ADAM20: variants seen among roughly 807,000 people sequenced by gnomAD.
The protein encoded by ADAM20 is disintegrin and metalloproteinase domain-containing protein 20.
For synonymous variants in ADAM20, 305 were observed against 310.2 expected, an observed-to-expected ratio of 0.98 and a Z score of 0.18; for missense variants, 871 against 883.2, an observed-to-expected ratio of 0.99 and a Z score of 0.18.
intron 1 of ADAM20, among the ~76,000 whole-genome samples, chr14:70,533,017 C>T (rs535659388): frequency 2.6e-5 from 4 of 152,208 alleles, no homozygotes; most frequent in South Asian, 2.1e-4. Context: ...ATGTTCTGTA[C>T]GCTCCAAATT....
chr14:70,557,498 TAC>T, the ADAM20 span: 4 of 152,250 alleles, frequency 2.6e-5, no homozygotes, highest in African/African-American at 9.6e-5. Context: ...CTCATTATCT[TAC>T]ACTTTTATCA....
upstream of ADAM20, among the ~76,000 whole-genome samples, chr14:70,538,056 T>C (rs906236375): frequency 1.3e-5 from 2 of 152,090 alleles, no homozygotes; most frequent in Non-Finnish European, 2.9e-5. Flanking sequence ...CGAAATCCCT[T>C]TTGACCCTGC....
chr14:70,536,809 C>T (rs1164730685), upstream of ADAM20, among the ~76,000 whole-genome samples: 1 of 151,874 alleles, frequency 6.6e-6, no homozygotes, highest in East Asian at 1.9e-4. Flanking sequence ...CCCAAGATAA[C>T]CTCCCCTCCA....
chr14:70,531,933 T>C (rs1435741230), intron 1 of ADAM20, among the ~76,000 whole-genome samples: 2 of 152,026 alleles, frequency 1.3e-5, no homozygotes, highest in African/African-American at 2.4e-5. Context: ...TCCAAAGCAA[T>C]CTACAGATTC....
the ADAM20 span, among the ~76,000 whole-genome samples, chr14:70,555,793 C>T: frequency 6.6e-6 from 1 of 152,192 alleles, no homozygotes; most frequent in Non-Finnish European, 1.5e-5. Flanking sequence ...CGTCCCTCTG[C>T]ACCCTCTTAC....
At chr14:70,532,377 AC>A (rs1364142696) in intron 1 of ADAM20, among the ~76,000 whole-genome samples, 1 of 152,152 alleles carries the variant, frequency 6.6e-6, no homozygotes, top group Non-Finnish European at 1.5e-5. Flanking sequence ...CTTTAAAAAA[AC>A]ACACACGAGA....
the ADAM20 span, among the ~76,000 whole-genome samples, chr14:70,553,951 GA>G: frequency 6.6e-6 from 1 of 152,144 alleles, no homozygotes; most frequent in African/African-American, 2.4e-5. Context: ...TCAGACAAGA[GA>G]AAGAAGTAAA....
chr14:70,527,818 T>C (rs1820992576), intron 1 of ADAM20, among the ~76,000 whole-genome samples: 1 of 152,154 alleles, frequency 6.6e-6, no homozygotes, highest in Non-Finnish European at 1.5e-5. Flanking sequence ...AAGTGTCAGG[T>C]CAGCCTCTTC....
At position 70,534,062 on chromosome 14, in the gene ADAM20, G is replaced by A. The variant is rs116299949; in HGVS notation, c.-177+735C>T. ...TGGGCCACCGTACTCTAGTCTGGGC[G>A]AGAGAGCAAGACCCTGTCTCAAAAA... is the stretch of plus-strand genomic sequence containing the variant. On this transcript the variant is annotated intron_variant, in intron 1 of 1. Transcript: ENST00000256389. 1.0e-2 allele frequency among the ~76,000 whole-genome samples: 1,238 copies of A among 124,070 alleles called. 23 individuals carry two copies. The highest frequency in any genetic ancestry group is 0.035 in the African/African-American group (1,158 of 32,662). The allele number at this position is 124,070 out of a possible 152,430, so 81.4% of individuals were successfully genotyped here.
intron 1 of ADAM20, among the ~76,000 whole-genome samples, chr14:70,531,991 A>G (rs909682776): frequency 6.6e-6 from 1 of 152,186 alleles, no homozygotes; most frequent in Admixed American, 6.5e-5. Context: ...CAGAATTAGA[A>G]AAACAATTCA....
At chr14:70,533,764 T>A (rs8014596) in intron 1 of ADAM20, among the ~76,000 whole-genome samples, 8,751 of 143,000 alleles carry the variant, frequency 0.061, 294 homozygotes, top group Middle Eastern at 0.11. Context: ...ACTTAAAATT[T>A]AAAAAAAAAA....
upstream of ADAM20, among the ~76,000 whole-genome samples, chr14:70,536,552 A>G (rs1485483343): frequency 6.6e-6 from 1 of 151,672 alleles, no homozygotes; most frequent in Non-Finnish European, 1.5e-5. Flanking sequence ...AAAATTATAT[A>G]ACTACAAAGA....
chr14:70,542,866 G>A, the ADAM20 span, among the ~76,000 whole-genome samples: 2 of 152,064 alleles, frequency 1.3e-5, no homozygotes, highest in Middle Eastern at 3.4e-3. Context: ...TTGAACCCGG[G>A]AGGTGGAGGT....
Position 70,523,122 on chromosome 14 carries a change from T to C in ADAM20, c.1636A>G (p.Ile546Val), listed in dbSNP as rs1428972910. 1 of 1,614,056 alleles carries C rather than the reference T, an allele frequency of 6.2e-7. No homozygotes were observed. The highest frequency in any genetic ancestry group is 1.7e-5 in the Admixed American group (1 of 59,980). The change falls in exon 2 of 2, where the codon ATT (isoleucine) becomes GTT (valine). Residue 546 changes from isoleucine to valine, a missense_variant. Physicochemically the swap from Ile to Val is conservative, Grantham distance 29. Transcript: ENST00000256389. The part of the protein sequence containing the change: ...TQGNRFGHCG[I>V]VGTTYVKCWT... ...CATTTTACATATGTTGTGCCTACAATACCACAGTGACCGAAACGGTTTCCT... is the reference window on the plus strand; with the variant it reads ...CATTTTACATATGTTGTGCCTACAACACCACAGTGACCGAAACGGTTTCCT...
the ADAM20 span, among the ~76,000 whole-genome samples, chr14:70,573,702 T>C: frequency 6.6e-6 from 1 of 152,158 alleles, no homozygotes; most frequent in African/African-American, 2.4e-5. Context: ...AGATATTTCA[T>C]GAAAATGGTA....
At chr14:70,556,553 T>A in the ADAM20 span, 1 of 152,174 alleles carries the variant, frequency 6.6e-6, no homozygotes, top group Non-Finnish European at 1.5e-5. Flanking sequence ...TTACCACATA[T>A]GTTCGAACAC....
the ADAM20 span, among the ~76,000 whole-genome samples, chr14:70,570,054 A>G: frequency 6.6e-6 from 1 of 152,152 alleles, no homozygotes; most frequent in South Asian, 2.1e-4. Flanking sequence ...AAGCTCGGTC[A>G]TAAAGCAAGT....
intron 1 of ADAM20, among the ~76,000 whole-genome samples, chr14:70,533,208 T>C (rs1883751148): frequency 6.6e-6 from 1 of 152,190 alleles, no homozygotes. Context: ...CTCAAGGATC[T>C]AGAACCAGAT....
chr14:70,576,255 C>A, the ADAM20 span, among the ~76,000 whole-genome samples: 1 of 152,076 alleles, frequency 6.6e-6, no homozygotes, highest in Non-Finnish European at 1.5e-5. Flanking sequence ...AGACAACTAT[C>A]AATGCAACTG....
Sources: gnomAD v4.1 joint callset for allele counts (sites outside exome capture counted in the v4.1 genomes callset) on GRCh38, gnomAD v4.1.1 for gene constraint, MANE v1.5 for transcripts, NCBI Gene and HGNC (gene_info 2026-07-23, HGNC 2026-07-21) for gene names.